DPP6: variants seen among roughly 807,000 people sequenced by gnomAD.
DPP6 encodes dipeptidyl peptidase like 6, also known as A-type potassium channel modulatory protein DPP6.
DPP6 carries 69 observed loss-of-function variants against 122.6 expected under a neutral mutation model. The observed-to-expected ratio is 0.56, with a 90% CI of 0.46 to 0.69. The LOEUF is 0.69. Ranked by LOEUF, DPP6 falls within the 30% of genes least tolerant of loss-of-function variation. DPP6 has a pLI of 0.00. For missense variants in DPP6, 928 were observed against 1,116.9 expected, an observed-to-expected ratio of 0.83 and a Z score of 2.41; for synonymous variants, 418 against 433.1, an observed-to-expected ratio of 0.97 and a Z score of 0.43.
chr7:154,028,019 A>T (rs1799031010), intron 1 of DPP6, among the ~76,000 whole-genome samples: 1 of 151,368 alleles, frequency 6.6e-6, no homozygotes, highest in South Asian at 2.1e-4. Context: ...GGACAGAGCC[A>T]TGCAGTCCAC....
intron 4 of DPP6, 80 bp from the exon 5 acceptor site, chr7:154,566,762 C>T (rs1830776647): frequency 2.6e-6 from 2 of 765,194 alleles, no homozygotes; most frequent in African/African-American, 1.8e-5. Flanking sequence ...GAAAATGGCA[C>T]CAGCAGATAC....
chr7:154,820,010 C>T lies in DPP6; in HGVS notation c.1666+12898C>T, dbSNP rs904448801. Among the ~76,000 whole-genome samples the T allele has an allele frequency of 5.3e-5, 8 of 152,302 alleles. No individual in the cohort carries two copies. The South Asian group carries it at 1.2e-3, about 24-fold the overall frequency. On this transcript the variant is annotated intron_variant, in intron 16 of 25. Coordinates refer to ENST00000377770, the MANE Select transcript of DPP6 (RefSeq NM_130797.4). ...GGTGGGGCTGGAAGGGGAGCTGTGC[C>T]GCAGGTGGCCACAAAGCCAAGGCCC...
intron 1 of DPP6, among the ~76,000 whole-genome samples, chr7:154,078,946 C>CAAAAA (rs67950621): frequency 1.8e-5 from 2 of 112,602 alleles, no homozygotes; most frequent in African/African-American, 3.3e-5. Flanking sequence ...CATTCTTTTC[C>CAAAAA]AAAAAAAAAA....
At chr7:154,813,790 T>C (rs940259886) in intron 16 of DPP6, among the ~76,000 whole-genome samples, 6 of 152,096 alleles carry the variant, frequency 3.9e-5, no homozygotes, top group Non-Finnish European at 8.8e-5. Flanking sequence ...ACATACTTAA[T>C]TGGTCTTCTC....
At chr7:154,105,393 G>A (rs892898161) in intron 1 of DPP6, among the ~76,000 whole-genome samples, 7 of 152,126 alleles carry the variant, frequency 4.6e-5, no homozygotes, top group East Asian at 1.9e-4. Context: ...TGCTCACTGC[G>A]GAGCCTGTGT....
intron 1 of DPP6, among the ~76,000 whole-genome samples, chr7:154,136,037 C>A (rs1795539954): frequency 1.3e-5 from 2 of 152,240 alleles, no homozygotes. Flanking sequence ...TCTTGGGGTT[C>A]TTGCACATGA....
At chr7:154,520,626 A>AT (rs1445857323) in intron 3 of DPP6, among the ~76,000 whole-genome samples, 1 of 152,106 alleles carries the variant, frequency 6.6e-6, no homozygotes, top group African/African-American at 2.4e-5. Flanking sequence ...GTAGGAGGTG[A>AT]TTTTTCTCAG....
Position 154,785,719 on chromosome 7 carries a change from T to G in DPP6, c.1137-8360T>G, listed in dbSNP as rs185658705. 2.1e-3 allele frequency among the ~76,000 whole-genome samples: 320 copies of G among 152,330 alleles called. 2 individuals carry two copies. Among genetic ancestry groups the G allele is most frequent in the African/African-American group, 7.4e-3 (308 of 41,570 alleles). ...GTAATCATAACTAAACCTTCCTTAC[T>G]TTTCCATTGGTTGATTCTAAAAGAT... On this transcript the variant is annotated intron_variant, in intron 10 of 25. Coordinates refer to ENST00000377770, the MANE Select transcript of DPP6 (RefSeq NM_130797.4).
At chr7:153,927,695 A>G (rs1800966215) in intron 1 of DPP6, among the ~76,000 whole-genome samples, 2 of 152,186 alleles carry the variant, frequency 1.3e-5, no homozygotes, top group African/African-American at 2.4e-5. Flanking sequence ...AAAAGGTGCT[A>G]AGAGTATAAT....
rs190796400 is a variant in DPP6 at position 154,061,174 on chromosome 7, T to C, written c.243+8111T>C. On this transcript the variant is annotated intron_variant, in intron 1 of 25. Coordinates refer to ENST00000377770, the MANE Select transcript of DPP6 (RefSeq NM_130797.4). Reference sequence around the variant, plus strand: ...TTAGGAGCTGTGGGGTTTTGTAGACTGTGGATCCCAAACTGCAGTATTAGC... The same window carrying C: ...TTAGGAGCTGTGGGGTTTTGTAGACCGTGGATCCCAAACTGCAGTATTAGC... Among the ~76,000 whole-genome samples the C allele has an allele frequency of 9.2e-3, 1,364 of 148,564 alleles. 89 individuals carry two copies. The highest frequency in any genetic ancestry group is 0.016 in the Non-Finnish European group (1,058 of 66,098).
intron 1 of DPP6, among the ~76,000 whole-genome samples, chr7:153,987,171 T>C (rs565638535): frequency 6.6e-6 from 1 of 152,376 alleles, no homozygotes; most frequent in South Asian, 2.1e-4. Context: ...TCACCCTTGC[T>C]AATTTATTCA....
chr7:154,484,740 A>T (rs1823639422), intron 3 of DPP6, among the ~76,000 whole-genome samples: 2 of 152,242 alleles, frequency 1.3e-5, no homozygotes, highest in Admixed American at 6.5e-5. Flanking sequence ...GCCACTTGTT[A>T]GCAGAGAGCC....
rs1325816937 is a variant in DPP6, at chr7:154,669,431, G to A, written c.752G>A (p.Gly251Asp). The A allele has an allele frequency of 5.1e-6, 8 of 1,553,706 alleles. No homozygotes were observed. Among genetic ancestry groups the A allele is most frequent in the African/African-American group, 1.4e-5 (1 of 73,182 alleles). ...KLQYAGWGPK[G>D]QQLIFIFENN... ...CAGTATGCAGGATGGGGCCCTAAAG[G>A]CCAACAGCTGGTAAGCCAATCAAGT... Residue 251 changes from glycine (G) to aspartate (D), a missense_variant, in exon 7 of 26, where the codon GGC becomes GAC. By Grantham distance (94) the Gly-to-Asp change is moderately conservative. Transcript: ENST00000377770.
chr7:154,305,349 C>A (rs1474113049), intron 1 of DPP6: 7 of 1,004,428 alleles, frequency 7.0e-6, no homozygotes, highest in Non-Finnish European at 6.0e-6. Flanking sequence ...CACCCTCCCT[C>A]CCCCATCCTC....
At chr7:154,793,993 G>C (rs1452454494) in intron 10 of DPP6, 86 bp from the exon 11 acceptor site, 3 of 1,520,412 alleles carry the variant, frequency 2.0e-6, no homozygotes, top group Non-Finnish European at 2.7e-6. Flanking sequence ...CTCCCGTGTC[G>C]TGTCCAGGGC....
chr7:154,129,389 G>T lies in DPP6; in HGVS notation c.243+76326G>T, dbSNP rs1428731437. The stretch of plus-strand genomic sequence containing the variant: ...TGTGGACCAGAGTTCATTTTTAGAG[G>T]ACAGAGCTGCTAAGCAGAAAGCGAC... On this transcript the variant is annotated intron_variant, in intron 1 of 25. Transcript: ENST00000377770. Among the ~76,000 whole-genome samples, 3 of 152,142 alleles carry T rather than the reference G, an allele frequency of 2.0e-5. No individual in the cohort carries two copies. The East Asian group carries it at 5.8e-4, about 29-fold the overall frequency.
At chr7:154,588,123 C>T (rs764405016) in intron 5 of DPP6, 2 of 1,575,046 alleles carry the variant, frequency 1.3e-6, no homozygotes, top group African/African-American at 2.7e-5. Flanking sequence ...CTTGTTCCTT[C>T]AACACTGGTG....
chr7:154,462,434 C>G (rs368047590), intron 2 of DPP6, among the ~76,000 whole-genome samples: 2 of 152,026 alleles, frequency 1.3e-5, no homozygotes, highest in Non-Finnish European at 2.9e-5. Context: ...TTCATTGAAC[C>G]TGTAGACTGC....
chr7:154,502,907 T>G (rs1045408261), intron 3 of DPP6, among the ~76,000 whole-genome samples: 5 of 152,326 alleles, frequency 3.3e-5, no homozygotes, highest in African/African-American at 1.2e-4. Flanking sequence ...TTTTAAAGAC[T>G]CTAGTGAAAA....
Sources: gnomAD v4.1 joint callset for allele counts (sites outside exome capture counted in the v4.1 genomes callset) on GRCh38, gnomAD v4.1.1 for gene constraint, MANE v1.5 for transcripts, NCBI Gene and HGNC (gene_info 2026-07-23, HGNC 2026-07-21) for gene names.